CENATAC: variants seen among roughly 807,000 people sequenced by gnomAD.
CENATAC encodes centrosomal AT-AC splicing factor.
A neutral mutation model predicts 53.7 loss-of-function variants in CENATAC; 53 were observed. That is an observed-to-expected ratio of 0.99 (90% CI 0.79 to 1.24). The LOEUF (loss-of-function observed/expected upper bound fraction) is 1.24, where lower values mean the gene tolerates loss of function less well. Among genes scored for constraint, CENATAC ranks in the 50% most tolerant of loss-of-function variants. The pLI is 0.00. For missense variants in CENATAC, 474 were observed against 417.8 expected (o/e 1.13, Z -1.17); for synonymous variants, 156 against 144.6 (o/e 1.08, Z -0.57).
At position 119,015,341 on chromosome 11, in the gene CENATAC, C is replaced by A. The variant is rs782705067; in HGVS notation, c.840C>A (p.Asp280Glu). ...AGAAGTTGAAAAAACTCCCCCCAGA[C>A]CGAGTTGGGGCCAACTTTGATCACA... ...EKQKLKKLPP[D>E]RVGANFDHSS... The change falls in exon 10 of 11, where the codon GAC becomes GAA. Residue 280 changes from aspartate to glutamate, a missense_variant. Physicochemically the swap from Asp to Glu is conservative, Grantham distance 45 (BLOSUM62 2). Coordinates refer to ENST00000334418, the MANE Select transcript of CENATAC (RefSeq NM_198489.3). 5 of 1,613,902 alleles carry A rather than the reference C, an allele frequency of 3.1e-6. No individual in the cohort carries two copies. In the East Asian group the frequency reaches 8.9e-5, roughly 29 times the overall value.
intron 3 of CENATAC, chr11:119,010,162 CAAAG>C (rs905825097): frequency 3.9e-5 from 6 of 152,412 alleles, no homozygotes; most frequent in South Asian, 2.1e-4. Context: ...AAAAAAAAGA[CAAAG>C]AAATTTAGGA....
At chr11:119,006,238 C>CTTTT (rs369673711) in intron 3 of CENATAC, among the ~76,000 whole-genome samples, 1 of 127,006 alleles carries the variant, frequency 7.9e-6, no homozygotes, top group Non-Finnish European at 1.7e-5. Flanking sequence ...CACACCCAAC[C>CTTTT]TTTTTTTTTT....
Position 119,006,236 on chromosome 11 carries a change from A to G in CENATAC, c.384-4528A>G, listed in dbSNP as rs537333515. On this transcript the variant is annotated intron_variant, in intron 3 of 10. Transcript: ENST00000334418. The stretch of plus-strand genomic sequence containing the variant: ...CTACAGGCACAGGCCACCACACCCA[A>G]CCTTTTTTTTTTTTTTTGAGATGGA... 2.2e-3 allele frequency among the ~76,000 whole-genome samples: 268 copies of G among 120,714 alleles called. 1 individual carries two copies. Among genetic ancestry groups the G allele is most frequent in the Admixed American group, 4.0e-3 (47 of 11,846 alleles). The allele number at this position is 120,714 out of a possible 152,430, so 79.2% of individuals were successfully genotyped here.
At chr11:119,004,986 C>A (rs1006965444) in intron 3 of CENATAC, 3 of 150,778 alleles carry the variant, frequency 2.0e-5, no homozygotes, top group African/African-American at 7.3e-5. Flanking sequence ...CTTAAGCTCA[C>A]AAGGTTGAGG....
At chr11:119,008,391 A>AT (rs1322403162) in intron 3 of CENATAC, among the ~76,000 whole-genome samples, 1 of 152,258 alleles carries the variant, frequency 6.6e-6, no homozygotes, top group African/African-American at 2.4e-5. Flanking sequence ...GTATATCACG[A>AT]TTAAGTTCAA....
At position 119,015,358 on chromosome 11, in the gene CENATAC, T is replaced by A. The variant is rs782424650; in HGVS notation, c.857T>A (p.Phe286Tyr). The change falls in exon 10 of 11, where the codon TTT (phenylalanine) becomes TAT (tyrosine). Residue 286 changes from phenylalanine (F) to tyrosine (Y), a missense_variant. Transcript: ENST00000334418. ...KLPPDRVGAN[F>Y]DHSSRTSAGW... ...CCCCCAGACCGAGTTGGGGCCAACTTTGATCACAGCTCCAGGACCAGTGCA... is the reference window on the plus strand; with the variant it reads ...CCCCCAGACCGAGTTGGGGCCAACTATGATCACAGCTCCAGGACCAGTGCA... The A allele has an allele frequency of 4.0e-5, 64 of 1,614,052 alleles. No individual in the cohort carries two copies. Among genetic ancestry groups the A allele is most frequent in the Middle Eastern group, 3.3e-4 (2 of 6,084 alleles).
intron 8 of CENATAC, 75 bp from the exon 9 acceptor site, chr11:119,014,919 G>C (rs943179618): frequency 1.0e-5 from 10 of 978,894 alleles, no homozygotes; most frequent in Non-Finnish European, 1.1e-5. Flanking sequence ...GGAGAGGTAA[G>C]CTAACAGCTA....
intron 10 of CENATAC, 37 bp from the exon 11 acceptor site, chr11:119,015,501 C>T: frequency 2.5e-6 from 4 of 1,614,050 alleles, no homozygotes; most frequent in Non-Finnish European, 3.4e-6. Flanking sequence ...GGAGATGTCA[C>T]CCTTCATCAT....
rs1943135241 is a variant in CENATAC at position 119,015,681 on chromosome 11, GTCTT to G, written c.*88_*91del. ...ACCTTCCACCAAATTCTTTATCATT[GTCTT>G]TCTTAGGAAACAGACATACTCATTC... On this transcript the variant is annotated 3_prime_UTR_variant, in exon 11 of 11. Coordinates refer to ENST00000334418, the MANE Select transcript of CENATAC (RefSeq NM_198489.3). The G allele has an allele frequency of 2.1e-6, 3 of 1,435,108 alleles. No individual in the cohort carries two copies. Among genetic ancestry groups the G allele is most frequent in the East Asian group, 2.3e-5 (1 of 43,678 alleles). 88.9% of individuals were successfully genotyped at this position (1,435,108 alleles called of 1,614,324 possible). A position where few individuals can be genotyped will look rare whatever the true frequency, so the allele number is the denominator to read the frequency against.
chr11:119,015,482 C>G (rs1403529362), intron 10 of CENATAC, 43 bp downstream of exon 10: 14 of 1,613,798 alleles, frequency 8.7e-6, no homozygotes, highest in Non-Finnish European at 1.2e-5. Flanking sequence ...CCCATCCAAC[C>G]TCCTTTTTGG....
chr11:119,013,928 A>G (rs1217565986), intron 8 of CENATAC: 1 of 152,198 alleles, frequency 6.6e-6, no homozygotes, highest in Admixed American at 6.5e-5. Context: ...AATTAAAACC[A>G]CAGTGAAATA....
At chr11:119,004,203 T>C (rs1316107821) in intron 3 of CENATAC, among the ~76,000 whole-genome samples, 2 of 152,182 alleles carry the variant, frequency 1.3e-5, no homozygotes, top group East Asian at 3.8e-4. Context: ...TTATCAGAAA[T>C]CATTTTAGCA....
At chr11:119,012,976 C>T in intron 7 of CENATAC, 5 of 409,506 alleles carry the variant, frequency 1.2e-5, no homozygotes, top group Non-Finnish European at 1.7e-5. Context: ...CAAGGTTTTG[C>T]TCCCCTGGCA....
In CENATAC at chr11:119,013,169, G is replaced by A; in HGVS notation, c.685-63G>A. On this transcript the variant is annotated intron_variant, in intron 7 of 10. Transcript: ENST00000334418. ...AGTGTGCTTTGTCTATCGTTTCTAG[G>A]ATTTTTTTTTTTAATCATGCCTAGA... is the stretch of plus-strand genomic sequence containing the variant. The A allele has an allele frequency of 2.4e-6, 3 of 1,252,936 alleles. No individual in the cohort carries two copies. The African/African-American group carries it at 4.6e-5, about 19-fold the overall frequency. 77.6% of individuals were successfully genotyped at this position (1,252,936 alleles called of 1,614,324 possible).
chr11:119,003,051 G>C, intron 3 of CENATAC: 1 of 525,544 alleles, frequency 1.9e-6, no homozygotes, highest in East Asian at 5.2e-5. Flanking sequence ...CCAAAGCATT[G>C]TAATCAGGAG....
chr11:118,998,726 G>A, intron 2 of CENATAC, 133 bp downstream of exon 2: 1 of 1,254,724 alleles, frequency 8.0e-7, no homozygotes, highest in Non-Finnish European at 1.1e-6. Context: ...CACAGGTTTT[G>A]CCAGCCTTGT....
At chr11:119,007,100 C>T (rs1942642341) in intron 3 of CENATAC, among the ~76,000 whole-genome samples, 1 of 152,224 alleles carries the variant, frequency 6.6e-6, no homozygotes, top group Non-Finnish European at 1.5e-5. Context: ...TCCAGTGCTG[C>T]ATCTTCAGGA....
At chr11:119,003,332 C>A in intron 3 of CENATAC, 1 of 533,874 alleles carries the variant, frequency 1.9e-6, no homozygotes, top group Non-Finnish European at 3.7e-6. Context: ...TAGTGATACG[C>A]GGATCTTCTT....
In CENATAC at chr11:119,015,350, G is replaced by C. The variant is rs148253181; in HGVS notation, c.849G>C (p.Gly283=). The change falls in exon 10 of 11, where the codon GGG becomes GGC. Residue 283 remains glycine (G), a synonymous_variant. Coordinates refer to ENST00000334418, the MANE Select transcript of CENATAC (RefSeq NM_198489.3). ...KLKKLPPDRV[G]ANFDHSSRTS... Reference sequence around the variant, plus strand: ...AAAAACTCCCCCCAGACCGAGTTGGGGCCAACTTTGATCACAGCTCCAGGA... The same window carrying C: ...AAAAACTCCCCCCAGACCGAGTTGGCGCCAACTTTGATCACAGCTCCAGGA... 4 of 1,613,972 alleles carry C rather than the reference G, an allele frequency of 2.5e-6. No individual in the cohort carries two copies. In the African/African-American group the frequency reaches 5.3e-5, roughly 22 times the overall value.
Sources: gnomAD v4.1 joint callset for allele counts (sites outside exome capture counted in the v4.1 genomes callset) on GRCh38, gnomAD v4.1.1 for gene constraint, MANE v1.5 for transcripts, NCBI Gene and HGNC (gene_info 2026-07-23, HGNC 2026-07-21) for gene names.